The following MAST4 variants were observed in gnomAD, a reference collection of about 807,000 sequenced individuals.
MAST4 encodes microtubule associated serine/threonine kinase family member 4.
Under a neutral mutation model 162.7 loss-of-function variants are expected in MAST4, and 89 were observed. The ratio of observed to expected loss-of-function variants is 0.55; its 90% confidence interval spans 0.46 to 0.65. The LOEUF is 0.65. MAST4 is among the 30% of genes least tolerant of loss of function. The probability of loss-of-function intolerance (pLI) is 0.00; values close to 1 mark genes in which losing one functional copy is unlikely to be tolerated. For synonymous variants in MAST4, 1,479 were observed against 1,361.1 expected (o/e 1.09, Z -1.91); for missense variants, 3,153 against 3,374.0 (o/e 0.93, Z 1.62).
chr5:66,632,491 G>A lies in MAST4; in HGVS notation c.363+35473G>A, dbSNP rs982640731. Among the ~76,000 whole-genome samples the A allele has an allele frequency of 4.4e-4, 67 of 152,142 alleles. 1 individual carries two copies. The highest frequency in any genetic ancestry group is 8.4e-4 in the Non-Finnish European group (57 of 68,026). On this transcript the variant is annotated intron_variant, in intron 1 of 28. Coordinates refer to ENST00000403625, the MANE Select transcript of MAST4 (RefSeq NM_001164664.2). Reference sequence around the variant, plus strand: ...AATGGCAGTGTTTGTCTAATGTGGTGTTTATTTAGTAGGTGGAGGGTATTA... The same window carrying A: ...AATGGCAGTGTTTGTCTAATGTGGTATTTATTTAGTAGGTGGAGGGTATTA...
intron 2 of MAST4, among the ~76,000 whole-genome samples, chr5:66,782,642 G>A (rs183041563): frequency 1.4e-4 from 22 of 152,280 alleles, no homozygotes; most frequent in Middle Eastern, 3.4e-3. Context: ...GTTTCAATAA[G>A]CATAGTAGAA....
intron 3 of MAST4, among the ~76,000 whole-genome samples, chr5:66,830,848 A>C (rs1198101342): frequency 1.3e-5 from 2 of 152,234 alleles, no homozygotes; most frequent in African/African-American, 4.8e-5. Flanking sequence ...AATAAAATTA[A>C]TTTACAAATA....
intron 1 of MAST4, among the ~76,000 whole-genome samples, chr5:66,651,791 C>T (rs745790480): frequency 6.6e-6 from 1 of 152,114 alleles, no homozygotes; most frequent in Non-Finnish European, 1.5e-5. Context: ...GACCTACTTC[C>T]TAACTCACTC....
At position 67,164,210 on chromosome 5, in the gene MAST4, A is replaced by G; in HGVS notation, c.5031A>G (p.Glu1677=). The change falls in exon 29 of 29, where the codon GAA becomes GAG. Residue 1677 remains glutamate, a synonymous_variant. Transcript: ENST00000403625. This position sits in a 1 kb window ranked among gnomAD's most constrained non-coding sequence, Gnocchi z 5.3. ...AGGCCAAGGAGCTTCTCCGATGTGA[A>G]AAGTTAGACAGCAAGCTGGCCAACA... ...SSQAKELLRC[E]KLDSKLANID... 1 of 1,613,606 alleles carries G rather than the reference A, an allele frequency of 6.2e-7. No individual in the cohort carries two copies. Among genetic ancestry groups the G allele is most frequent in the South Asian group, 1.1e-5 (1 of 90,928 alleles).
chr5:66,819,525 A>G (rs190455732), intron 3 of MAST4, among the ~76,000 whole-genome samples: 1 of 152,206 alleles, frequency 6.6e-6, no homozygotes, highest in African/African-American at 2.4e-5. Flanking sequence ...ATGCCTGTCA[A>G]TATAAAGACA....
chr5:66,619,252 G>T (rs946693921), intron 1 of MAST4, among the ~76,000 whole-genome samples: 1 of 152,154 alleles, frequency 6.6e-6, no homozygotes, highest in South Asian at 2.1e-4. Context: ...AAACACATCA[G>T]GGGCTTGCTG....
chr5:66,833,757 G>C (rs1411871790), intron 3 of MAST4, among the ~76,000 whole-genome samples: 1 of 151,992 alleles, frequency 6.6e-6, no homozygotes, highest in Non-Finnish European at 1.5e-5. Flanking sequence ...GATTTTATTT[G>C]TTTGCAATCT....
chr5:66,788,589 A>ACCCCC, intron 2 of MAST4, 81 bp from the exon 3 acceptor site: 1 of 738,450 alleles, frequency 1.4e-6, no homozygotes, highest in Non-Finnish European at 2.3e-6. Flanking sequence ...CCAGGAAGAG[A>ACCCCC]CACCCCACCC....
intron 1 of MAST4, among the ~76,000 whole-genome samples, chr5:66,751,585 G>T (rs1225454588): frequency 6.6e-6 from 1 of 151,680 alleles, no homozygotes; most frequent in Non-Finnish European, 1.5e-5. Context: ...GAGAAGGGAA[G>T]TTTAGAGAAA....
chr5:66,881,071 C>T (rs189564279), intron 3 of MAST4, among the ~76,000 whole-genome samples: 1 of 152,342 alleles, frequency 6.6e-6, no homozygotes, highest in African/African-American at 2.4e-5. Flanking sequence ...AGCACCAAGA[C>T]TGAAAACAAA....
At chr5:66,797,815 G>A (rs1017780188) in intron 3 of MAST4, among the ~76,000 whole-genome samples, 1 of 152,162 alleles carries the variant, frequency 6.6e-6, no homozygotes, top group Admixed American at 6.5e-5. Flanking sequence ...CAGTGTGATG[G>A]GTGGGGAGTG....
At chr5:66,738,194 C>T (rs1013371219) in intron 1 of MAST4, 2 of 152,224 alleles carry the variant, frequency 1.3e-5, no homozygotes, top group African/African-American at 4.8e-5. Flanking sequence ...GCAGTGTCCT[C>T]ACTCTGGGAT....
chr5:66,896,616 G>A lies in MAST4; in HGVS notation c.643-3335G>A, dbSNP rs538950080. 2.5e-4 allele frequency among the ~76,000 whole-genome samples: 38 copies of A among 152,336 alleles called. 1 individual carries two copies. In the South Asian group the frequency reaches 6.4e-3, roughly 26 times the overall value. On this transcript the variant is annotated intron_variant, in intron 3 of 28. Coordinates refer to ENST00000403625, the MANE Select transcript of MAST4 (RefSeq NM_001164664.2). ...AAGCGTTCAGAGATTCTCTAAACAC[G>A]TGCGGCATGTATAGCCATATTGTTT...
intron 1 of MAST4, among the ~76,000 whole-genome samples, chr5:66,704,577 T>G (rs975421337): frequency 1.4e-5 from 2 of 142,154 alleles, no homozygotes; most frequent in Admixed American, 7.4e-5. Context: ...CTCGGCTCAC[T>G]GCAAGCTCTG....
At chr5:66,826,778 T>C (rs761340989) in intron 3 of MAST4, among the ~76,000 whole-genome samples, 18 of 152,286 alleles carry the variant, frequency 1.2e-4, no homozygotes, top group Non-Finnish European at 1.6e-4. Context: ...TGGGTCAAGA[T>C]TTTTTCCAAA....
At chr5:67,004,942 C>A in intron 4 of MAST4, 1 of 720,694 alleles carries the variant, frequency 1.4e-6, no homozygotes, top group South Asian at 1.5e-5. Context: ...TTTACCTCTC[C>A]CCATTTTAGT....
chr5:67,135,179 T>C (rs1357615061), intron 18 of MAST4, among the ~76,000 whole-genome samples: 3 of 152,216 alleles, frequency 2.0e-5, no homozygotes, highest in African/African-American at 7.2e-5. Flanking sequence ...AGAAGCAAGT[T>C]GAATCCACAG....
chr5:66,981,483 G>A (rs186247032), intron 4 of MAST4, among the ~76,000 whole-genome samples: 40 of 152,312 alleles, frequency 2.6e-4, no homozygotes, highest in Admixed American at 3.9e-4. Context: ...TATTTACTGC[G>A]GTGATGGAAG....
intron 4 of MAST4, among the ~76,000 whole-genome samples, chr5:67,028,267 A>G (rs917933190): frequency 2.6e-5 from 4 of 152,098 alleles, no homozygotes; most frequent in Admixed American, 1.3e-4. Context: ...AACAACAACA[A>G]CAACAATACA....
Sources: gnomAD v4.1 joint callset for allele counts (sites outside exome capture counted in the v4.1 genomes callset) on GRCh38, gnomAD v4.1.1 for gene constraint, Gnocchi (gnomAD v3.1) non-coding constraint, MANE v1.5 for transcripts, NCBI Gene and HGNC (gene_info 2026-07-23, HGNC 2026-07-21) for gene names.